DOCK8: variants seen among roughly 807,000 people sequenced by gnomAD.
The protein encoded by DOCK8 is dedicator of cytokinesis protein 8.
In DOCK8, 141 loss-of-function variants were observed where a neutral mutation model predicts 245.6. The observed-to-expected ratio is 0.57, with a 90% CI of 0.50 to 0.66. DOCK8 has a LOEUF of 0.66. Among genes scored for constraint, DOCK8 ranks in the 30% least tolerant of loss-of-function variants. The pLI is 0.00. For missense variants in DOCK8, 2,965 were observed against 2,603.4 expected (o/e 1.14, Z -3.02); for synonymous variants, 1,168 against 970.2 (o/e 1.20, Z -3.79).
intron 4 of DOCK8, among the ~76,000 whole-genome samples, chr9:302,935 C>T (rs2049621943): frequency 6.6e-6 from 1 of 151,344 alleles, no homozygotes; most frequent in Admixed American, 6.6e-5. Context: ...TGAGACCAGC[C>T]TGTGCAATGT....
rs1446362148 is a variant in DOCK8, at chr9:370,215, TCTA to T, written c.1798-12_1798-10del. The T allele has an allele frequency of 6.2e-7, 1 of 1,610,188 alleles. No individual in the cohort carries two copies. Among genetic ancestry groups the T allele is most frequent in the Non-Finnish European group, 8.5e-7 (1 of 1,176,494 alleles). ...ATGTTACTGATAATTTGATCCTTTC[TCTA>T]CTGGTGAACAGGTCATCTTTGGAAA... On this transcript the variant is annotated splice_polypyrimidine_tract_variant and intron_variant, in intron 15 of 47. Coordinates refer to ENST00000432829, the MANE Select transcript of DOCK8 (RefSeq NM_203447.4).
intron 1 of DOCK8, among the ~76,000 whole-genome samples, chr9:233,972 A>G (rs927065688): frequency 5.3e-5 from 8 of 152,124 alleles, no homozygotes; most frequent in African/African-American, 1.9e-4. Flanking sequence ...TGGTTAGTTG[A>G]TGCAGTTTCT....
At chr9:290,347 T>A (rs888661648) in intron 4 of DOCK8, among the ~76,000 whole-genome samples, 2 of 152,110 alleles carry the variant, frequency 1.3e-5, no homozygotes, top group Admixed American at 1.3e-4. Context: ...CTGAGATAAT[T>A]CTTCTTCCAG....
Position 368,120 on chromosome 9 carries a change from T to TCGCATA in DOCK8, c.1782_1783insCGCATA (p.Ala594_Ser595insArgIle). The TCGCATA allele has an allele frequency of 6.2e-7, 1 of 1,614,072 alleles. No individual in the cohort carries two copies. Among genetic ancestry groups the TCGCATA allele is most frequent in the Non-Finnish European group, 8.5e-7 (1 of 1,179,900 alleles). ...TCCAGTTTATGTGTGGAGAAGATGC[T>TCGCATA]AGCAATGCGATGCCGGTAAGGAGGG... On this transcript the variant is annotated inframe_insertion, in exon 15 of 48. Coordinates refer to ENST00000432829, the MANE Select transcript of DOCK8 (RefSeq NM_203447.4).
intron 12 of DOCK8, among the ~76,000 whole-genome samples, chr9:337,934 A>T (rs963339309): frequency 3.9e-5 from 6 of 152,158 alleles, no homozygotes; most frequent in Non-Finnish European, 7.3e-5. Flanking sequence ...CAGGTGGATT[A>T]TGTGAGGTCA....
At chr9:328,463 A>T (rs2050860798) in intron 9 of DOCK8, among the ~76,000 whole-genome samples, 1 of 152,198 alleles carries the variant, frequency 6.6e-6, no homozygotes, top group Non-Finnish European at 1.5e-5. Flanking sequence ...TCATCTGTGA[A>T]GTGGAGATAA....
chr9:272,550 T>C (rs999760421), intron 2 of DOCK8, among the ~76,000 whole-genome samples: 2 of 152,122 alleles, frequency 1.3e-5, no homozygotes, highest in Non-Finnish European at 2.9e-5. Flanking sequence ...CACACCTGGC[T>C]AATTTTTGTA....
chr9:327,334 G>C (rs2130819575), intron 8 of DOCK8, among the ~76,000 whole-genome samples: 1 of 151,386 alleles, frequency 6.6e-6, no homozygotes. Flanking sequence ...TTGTATGCAT[G>C]TGGTGACTTG....
Position 418,210 on chromosome 9 carries a change from A to G in DOCK8, c.3840+3A>G, listed in dbSNP as rs16938572. 2,595 of 1,614,014 alleles carry G rather than the reference A, an allele frequency of 1.6e-3. 42 individuals carry two copies. In the African/African-American group the frequency reaches 0.03, roughly 19 times the overall value. On this transcript the variant is annotated splice_donor_region_variant and intron_variant, in intron 30 of 47. Transcript: ENST00000432829. ...GTGGAATAGTGCTGTCTTCCTTGGT[A>G]TGTTGGTGCACATGTGTCTGGTTGA...
At chr9:288,058 G>GT (rs138002007) in intron 3 of DOCK8, among the ~76,000 whole-genome samples, 7,869 of 141,930 alleles carry the variant, frequency 0.055, 316 homozygotes, top group African/African-American at 0.12. Flanking sequence ...GAAGGAGGAG[G>GT]TTTTTTTTTT....
At chr9:256,784 A>G (rs1050638675) in intron 1 of DOCK8, among the ~76,000 whole-genome samples, 2 of 150,204 alleles carry the variant, frequency 1.3e-5, no homozygotes, top group Admixed American at 6.6e-5. Context: ...GCTTCAGTGC[A>G]CATCAGAATA....
At chr9:425,496 CACTCT>C (rs760210867) in intron 33 of DOCK8, among the ~76,000 whole-genome samples, 4,365 of 143,884 alleles carry the variant, frequency 0.03, 218 homozygotes, top group African/African-American at 0.11. Flanking sequence ...TGCGCCACTG[CACTCT>C]GCACTCCAGC....
At chr9:223,766 G>C (rs904397512) in intron 1 of DOCK8, among the ~76,000 whole-genome samples, 3 of 147,894 alleles carry the variant, frequency 2.0e-5, no homozygotes, top group Non-Finnish European at 3.0e-5. Flanking sequence ...TTTTGCTTTA[G>C]TTGTTTTTTT....
intron 1 of DOCK8, among the ~76,000 whole-genome samples, chr9:221,119 T>A (rs963960865): frequency 1.3e-5 from 2 of 152,178 alleles, no homozygotes; most frequent in African/African-American, 4.8e-5. Flanking sequence ...TGAAAGTATA[T>A]ATGAACACAT....
intron 1 of DOCK8, among the ~76,000 whole-genome samples, chr9:268,612 G>T (rs1035142695): frequency 6.6e-6 from 1 of 152,114 alleles, no homozygotes; most frequent in Non-Finnish European, 1.5e-5. Flanking sequence ...TGTATAATAG[G>T]ACCAGTTTTA....
Position 214,891 on chromosome 9 carries a change from G to C in DOCK8, c.-86G>C. 6.2e-7 allele frequency: 1 copy of C among 1,602,952 alleles called. No individual in the cohort carries two copies. Among genetic ancestry groups the C allele is most frequent in the Non-Finnish European group, 8.5e-7 (1 of 1,175,484 alleles). On this transcript the variant is annotated 5_prime_UTR_variant, in exon 1 of 48. Coordinates refer to ENST00000432829, the MANE Select transcript of DOCK8 (RefSeq NM_203447.4). ...ACAGACGAGGTTTGCGCTTGGCTGGGCATGTTCCGCGGCTACTCTGCGGCG... is the reference window on the plus strand; with the variant it reads ...ACAGACGAGGTTTGCGCTTGGCTGGCCATGTTCCGCGGCTACTCTGCGGCG...
intron 16 of DOCK8, 51 bp downstream of exon 16, chr9:370,351 C>T (rs1394662082): frequency 6.5e-7 from 1 of 1,540,284 alleles, no homozygotes; most frequent in East Asian, 2.2e-5. Flanking sequence ...TTCATCATCT[C>T]CTGGTTTTTC....
At chr9:461,147 C>T (rs1207782277) in intron 46 of DOCK8, among the ~76,000 whole-genome samples, 1 of 152,228 alleles carries the variant, frequency 6.6e-6, no homozygotes, top group Non-Finnish European at 1.5e-5. Flanking sequence ...TAACGGTCCA[C>T]AAGCCAGATA....
At chr9:447,445 T>A (rs1425519909) in intron 44 of DOCK8, among the ~76,000 whole-genome samples, 1 of 152,110 alleles carries the variant, frequency 6.6e-6, no homozygotes. Context: ...GTAAGCAGAG[T>A]GAGAGCTTAA....
Sources: gnomAD v4.1 joint callset for allele counts (sites outside exome capture counted in the v4.1 genomes callset) on GRCh38, gnomAD v4.1.1 for gene constraint, MANE v1.5 for transcripts, NCBI Gene and HGNC (gene_info 2026-07-23, HGNC 2026-07-21) for gene names.